The following NLRP5 variants were observed in gnomAD, a reference collection of about 807,000 sequenced individuals.
The protein encoded by NLRP5 is NLR family pyrin domain containing 5.
NLRP5 carries 93 observed loss-of-function variants against 113.1 expected under a neutral mutation model. That is an observed-to-expected ratio of 0.82 (90% CI 0.70 to 0.98). The LOEUF is 0.98. NLRP5 is among the 50% of genes least tolerant of loss of function. NLRP5 has a pLI of 0.00. For missense variants in NLRP5, 1,808 were observed against 1,514.3 expected, an observed-to-expected ratio of 1.19 and a Z score of -3.22; for synonymous variants, 751 against 600.7, an observed-to-expected ratio of 1.25 and a Z score of -3.66.
chr19:56,053,417 TA>T (rs1984004307), intron 12 of NLRP5, among the ~76,000 whole-genome samples: 1 of 151,948 alleles, frequency 6.6e-6, no homozygotes, highest in African/African-American at 2.4e-5. Flanking sequence ...AATTAAAAAA[TA>T]AAGATACCTT....
intron 2 of NLRP5, among the ~76,000 whole-genome samples, chr19:56,007,359 CT>C (rs35019402): frequency 1.4e-4 from 21 of 146,096 alleles, no homozygotes; most frequent in East Asian, 8.1e-4. Context: ...TTGAGACTGT[CT>C]TTTTTTTTTT....
At chr19:56,021,339 G>C (rs540259377) in intron 6 of NLRP5, among the ~76,000 whole-genome samples, 27 of 152,170 alleles carry the variant, frequency 1.8e-4, no homozygotes, top group South Asian at 1.0e-3. Flanking sequence ...ATATAATTAG[G>C]ATTTTATATA....
intron 3 of NLRP5, among the ~76,000 whole-genome samples, chr19:56,013,047 G>A (rs1982260411): frequency 6.6e-6 from 1 of 151,938 alleles, no homozygotes; most frequent in Non-Finnish European, 1.5e-5. Flanking sequence ...ATACCTATTA[G>A]CCATCACTCC....
chr19:56,014,974 T>C (rs550912024), intron 3 of NLRP5, among the ~76,000 whole-genome samples: 6 of 152,204 alleles, frequency 3.9e-5, no homozygotes, highest in Non-Finnish European at 8.8e-5. Context: ...TGAGATTGCA[T>C]TATGTCATGT....
intron 11 of NLRP5, among the ~76,000 whole-genome samples, chr19:56,045,515 CTCA>C (rs1160646182): frequency 6.6e-6 from 1 of 152,008 alleles, no homozygotes; most frequent in African/African-American, 2.4e-5. Flanking sequence ...CACCCATTAA[CTCA>C]TCATTTAACA....
rs1418924718 is a variant in NLRP5, at chr19:56,013,595, G to GTT, written c.509-2147_509-2146insTT. Among the ~76,000 whole-genome samples the GTT allele has an allele frequency of 7.5e-3, 233 of 30,902 alleles. 7 individuals carry two copies. The highest frequency in any genetic ancestry group is 0.013 in the South Asian group (14 of 1,064). 20.3% of individuals were successfully genotyped at this position (30,902 alleles called of 152,430 possible). A position where few individuals can be genotyped will look rare whatever the true frequency, so the allele number is the denominator to read the frequency against. On this transcript the variant is annotated intron_variant, in intron 3 of 14. Coordinates refer to ENST00000390649, the MANE Select transcript of NLRP5 (RefSeq NM_153447.4). ...TCATTTATCACATGATGGACATTTG[G>GTT]GTTTTTTTTTTTTTTTTTTTTTGCT...
At chr19:56,053,532 C>A in intron 12 of NLRP5, 106 bp from the exon 13 acceptor site, 2 of 997,692 alleles carry the variant, frequency 2.0e-6, no homozygotes, top group African/African-American at 1.6e-5. Flanking sequence ...AACAGTGGCC[C>A]GTCAGGAAGG....
upstream of NLRP5, among the ~76,000 whole-genome samples, chr19:55,999,467 C>T (rs1045875235): frequency 2.6e-5 from 4 of 152,146 alleles, no homozygotes; most frequent in Middle Eastern, 3.4e-3. Flanking sequence ...CTGCCCGCCT[C>T]GGCAGTAGCG....
At position 56,039,919 on chromosome 19, in the gene NLRP5, GCAGA is replaced by G. The variant is rs1184663322; in HGVS notation, c.2787-998_2787-995del. 1.3e-4 allele frequency among the ~76,000 whole-genome samples: 19 copies of G among 151,770 alleles called. No homozygotes were observed. The East Asian group carries it at 2.9e-3, about 23-fold the overall frequency. On this transcript the variant is annotated intron_variant, in intron 10 of 14. Coordinates refer to ENST00000390649, the MANE Select transcript of NLRP5 (RefSeq NM_153447.4). Reference sequence around the variant, plus strand: ...ACAAGCGCAAAACTCCATCTCAAAAGCAGACAGAGTATCTAGTTTATGCCTAAGG... The same window carrying G: ...ACAAGCGCAAAACTCCATCTCAAAAGCAGAGTATCTAGTTTATGCCTAAGG...
At chr19:56,019,841 ATT>A (rs56651636) in intron 5 of NLRP5, among the ~76,000 whole-genome samples, 5 of 142,850 alleles carry the variant, frequency 3.5e-5, no homozygotes, top group South Asian at 2.2e-4. Context: ...CCTTCATGGC[ATT>A]TTTTTTTTTT....
At chr19:55,987,725 A>G in the NLRP5 span, 49 of 949,908 alleles carry the variant, frequency 5.2e-5, 2 homozygotes, top group African/African-American at 3.2e-4. Flanking sequence ...GGTCTGTAGA[A>G]AAAGCATAGA....
chr19:56,047,559 T>A (rs1983775003), intron 11 of NLRP5, among the ~76,000 whole-genome samples: 1 of 152,226 alleles, frequency 6.6e-6, no homozygotes, highest in African/African-American at 2.4e-5. Context: ...TGGAGTTGAT[T>A]TCCAGTTTTA....
At chr19:56,044,809 T>C (rs867042278) in intron 11 of NLRP5, among the ~76,000 whole-genome samples, 13 of 152,226 alleles carry the variant, frequency 8.5e-5, no homozygotes, top group African/African-American at 3.1e-4. Flanking sequence ...CATAGTCATT[T>C]TCACAATATT....
Position 56,055,834 on chromosome 19 carries a change from C to G in NLRP5, c.3299+2026C>G, listed in dbSNP as rs188849481. Among the ~76,000 whole-genome samples, 6 of 152,182 alleles carry G rather than the reference C, an allele frequency of 3.9e-5. No homozygotes were observed. In the South Asian group the frequency reaches 1.0e-3, roughly 26 times the overall value. On this transcript the variant is annotated intron_variant, in intron 13 of 14. Transcript: ENST00000390649. The stretch of plus-strand genomic sequence containing the variant: ...TGCTGGGATTACAGGCATAAGCCAC[C>G]GCGCCTGGCCTGTTTTTCTGTCTTC...
At chr19:56,048,520 G>A (rs1239642700) in intron 11 of NLRP5, among the ~76,000 whole-genome samples, 1 of 83,152 alleles carries the variant, frequency 1.2e-5, no homozygotes, top group Non-Finnish European at 2.8e-5. Flanking sequence ...GCTGATACTT[G>A]TTTTGTTCAA....
rs552116878 is a variant in NLRP5 at position 56,038,211 on chromosome 19, TTTCCACCAGGATTATCGTAAC to T, written c.2786+41_2786+61del. 9.0e-3 allele frequency: 14,432 copies of T among 1,610,884 alleles called. 97 individuals carry two copies. Among genetic ancestry groups the T allele is most frequent in the Non-Finnish European group, 9.1e-3 (10,769 of 1,177,586 alleles). ...AGAAGCTGATGTGAGTGCCACTTCCTTTCCACCAGGATTATCGTAACTTCCACCAGGATTATCGTAACTTCG... is the reference window on the plus strand; with the variant it reads ...AGAAGCTGATGTGAGTGCCACTTCCTTTCCACCAGGATTATCGTAACTTCG... On this transcript the variant is annotated intron_variant, in intron 10 of 14. Coordinates refer to ENST00000390649, the MANE Select transcript of NLRP5 (RefSeq NM_153447.4).
chr19:56,050,895 G>A lies in NLRP5; in HGVS notation c.3128+307G>A, dbSNP rs561011139. On this transcript the variant is annotated intron_variant, in intron 12 of 14. Coordinates refer to ENST00000390649, the MANE Select transcript of NLRP5 (RefSeq NM_153447.4). Reference sequence around the variant, plus strand: ...TTCAGCTATTTATCTGTATGGAGAAGGGAGAGTGCTTGTCTCTTAATCTCT... The same window carrying A: ...TTCAGCTATTTATCTGTATGGAGAAAGGAGAGTGCTTGTCTCTTAATCTCT... Among the ~76,000 whole-genome samples, 11 of 152,216 alleles carry A rather than the reference G, an allele frequency of 7.2e-5. 1 individual carries two copies. Among genetic ancestry groups the A allele is most frequent in the Admixed American group, 6.5e-4 (10 of 15,282 alleles).
At chr19:56,041,850 G>A (rs945472123) in intron 11 of NLRP5, among the ~76,000 whole-genome samples, 84 of 152,306 alleles carry the variant, frequency 5.5e-4, no homozygotes, top group African/African-American at 1.9e-3. Context: ...TCAGGAGGCT[G>A]AGGCAGGACA....
At position 56,004,012 on chromosome 19, in the gene NLRP5, C is replaced by T. The variant is rs1399889654; in HGVS notation, c.359C>T (p.Ser120Leu). 4 of 1,613,904 alleles carry T rather than the reference C, an allele frequency of 2.5e-6. No homozygotes were observed. Among genetic ancestry groups the T allele is most frequent in the Non-Finnish European group, 3.4e-6 (4 of 1,179,888 alleles). ...CTCTTGCATGAGTATTATGGAGCAT[C>T]GCTGGCCTGGGCTACGTCCATTAGC... Residue 120 changes from serine to leucine, a missense_variant, in exon 2 of 15, where the codon TCG (serine) becomes TTG (leucine). Ser to Leu is a moderately radical substitution (Grantham distance 145, BLOSUM62 -2). Transcript: ENST00000390649.
Sources: allele counts gnomAD v4.1 joint callset (sites outside exome capture counted in the v4.1 genomes callset), GRCh38; gene constraint gnomAD v4.1.1; transcripts MANE v1.5; gene names NCBI Gene and HGNC (gene_info 2026-07-23, HGNC 2026-07-21).